QPCTL: variants seen among roughly 807,000 people sequenced by gnomAD.
QPCTL encodes the protein glutaminyl-peptide cyclotransferase-like protein.
QPCTL carries 31 observed loss-of-function variants against 34.6 expected under a neutral mutation model. That is an observed-to-expected ratio of 0.90 (90% confidence interval 0.67 to 1.21). The LOEUF (loss-of-function observed/expected upper bound fraction) is 1.21. Among genes scored for constraint, QPCTL ranks in the 50% most tolerant of loss-of-function variants. QPCTL has a pLI of 0.00. For synonymous variants in QPCTL, 223 were observed against 226.9 expected, an observed-to-expected ratio of 0.98 and a Z score of 0.15; for missense variants, 474 against 507.8, an observed-to-expected ratio of 0.93 and a Z score of 0.64.
At chr19:45,701,496 G>A (rs541599936) in intron 5 of QPCTL, among the ~76,000 whole-genome samples, 35 of 152,048 alleles carry the variant, frequency 2.3e-4, no homozygotes, top group Middle Eastern at 3.4e-3. Flanking sequence ...AGCTGGTTTC[G>A]AACTCCTGAC....
In QPCTL at chr19:45,695,430, C is replaced by T. The variant is rs1967671127; in HGVS notation, c.352-7C>T. 1 of 1,601,028 alleles carries T rather than the reference C, an allele frequency of 6.2e-7. No individual in the cohort carries two copies. The highest frequency in any genetic ancestry group is 8.5e-7 in the Non-Finnish European group (1 of 1,172,030). ...CGTCCACCCTCCCACCTCTCTCTTG[C>T]CGCTAGTTCCTGGAGGCCACGCTGC... is the stretch of plus-strand genomic sequence containing the variant. On this transcript the variant is annotated splice_region_variant and splice_polypyrimidine_tract_variant and intron_variant, in intron 2 of 6. Coordinates refer to ENST00000012049, the MANE Select transcript of QPCTL (RefSeq NM_017659.4).
In QPCTL at chr19:45,703,069, T is replaced by TG. The variant is rs767918425; in HGVS notation, c.*22dup. ...CTCTAGCGTGCTTGGCCAATGACTG[T>TG]GGAGAGGACTGTGAGAGAGAAGGTC... is the stretch of plus-strand genomic sequence containing the variant. On this transcript the variant is annotated 3_prime_UTR_variant, in exon 7 of 7. Transcript: ENST00000012049. 1.9e-5 allele frequency: 30 copies of TG among 1,613,832 alleles called. No individual in the cohort carries two copies. Among genetic ancestry groups the TG allele is most frequent in the Non-Finnish European group, 2.3e-5 (27 of 1,179,890 alleles).
Position 45,703,125 on chromosome 19 carries a change from T to TC in QPCTL, c.*77dup. The TC allele has an allele frequency of 1.9e-6, 3 of 1,562,762 alleles. No homozygotes were observed. Among genetic ancestry groups the TC allele is most frequent in the Non-Finnish European group, 2.6e-6 (3 of 1,137,346 alleles). ...GGGGGCCAGTGAAGCTCAGGCAGGA[T>TC]CTGCCTAGGGTGTGCTGGTTTGTCC... On this transcript the variant is annotated 3_prime_UTR_variant, in exon 7 of 7. Transcript: ENST00000012049.
Position 45,695,695 on chromosome 19 carries a change from G to T in QPCTL, c.610G>T (p.Glu204Ter). Residue 204 changes from glutamate (E) to a stop codon, truncating the protein, a stop_gained, in exon 3 of 7, where the codon GAG becomes TAG. Transcript: ENST00000012049. LOFTEE classifies it high-confidence loss of function. ...GGAGCTGGCCCAAGCACTTGACCTG[G>T]AGCTGAGCAGGGCCAAAAAACAGGT... ...LLELAQALDL[E>*]LSRAKKQAAP... 6.2e-7 allele frequency: 1 copy of T among 1,611,988 alleles called. No individual in the cohort carries two copies. Among genetic ancestry groups the T allele is most frequent in the Non-Finnish European group, 8.5e-7 (1 of 1,179,694 alleles).
chr19:45,695,347 C>A, intron 2 of QPCTL, 90 bp from the exon 3 acceptor site: 1 of 1,218,614 alleles, frequency 8.2e-7, no homozygotes, highest in Non-Finnish European at 1.2e-6. Context: ...AGTGTCAACC[C>A]ATCTGCTCTG....
intron 1 of QPCTL, among the ~76,000 whole-genome samples, 153 bp from the exon 2 acceptor site, chr19:45,693,260 T>C (rs879872352): frequency 2.0e-5 from 3 of 152,168 alleles, no homozygotes; most frequent in Non-Finnish European, 4.4e-5. Context: ...GGACTTTTCC[T>C]GAGCCTTGGA....
chr19:45,698,416 GC>G, intron 3 of QPCTL, 130 bp from the exon 4 acceptor site: 1 of 1,119,612 alleles, frequency 8.9e-7, no homozygotes, highest in South Asian at 1.6e-5. Context: ...TGTGCTCTTG[GC>G]TACCACGTTC....
intron 1 of QPCTL, among the ~76,000 whole-genome samples, chr19:45,693,163 G>T (rs1489257696): frequency 6.6e-6 from 1 of 152,128 alleles, no homozygotes; most frequent in African/African-American, 2.4e-5. Context: ...CTATTTGGAA[G>T]AGTCCCTTCC....
intron 2 of QPCTL, 150 bp from the exon 3 acceptor site, chr19:45,695,287 A>G (rs1301873648): frequency 4.0e-6 from 3 of 741,480 alleles, no homozygotes; most frequent in Admixed American, 6.2e-5. Flanking sequence ...CTCCATCTCA[A>G]AAAAAAAAAG....
intron 1 of QPCTL, among the ~76,000 whole-genome samples, chr19:45,693,125 G>A (rs1967607269): frequency 6.6e-6 from 1 of 152,138 alleles, no homozygotes; most frequent in African/African-American, 2.4e-5. Flanking sequence ...TAAGACGGGG[G>A]GGTTCAGGGT....
At position 45,696,266 on chromosome 19, in the gene QPCTL, G is replaced by A. The variant is rs532655870; in HGVS notation, c.633+548G>A. Among the ~76,000 whole-genome samples, 97 of 151,972 alleles carry A rather than the reference G, an allele frequency of 6.4e-4. No individual in the cohort carries two copies. The Middle Eastern group carries it at 0.01, about 16-fold the overall frequency. On this transcript the variant is annotated intron_variant, in intron 3 of 6. Coordinates refer to ENST00000012049, the MANE Select transcript of QPCTL (RefSeq NM_017659.4). The stretch of plus-strand genomic sequence containing the variant: ...ACCCGCAGAGCTTGCTCCCACCTCA[G>A]GGCATCTGCACTTGCTGTTTGCTTT...
chr19:45,695,855 T>C lies in QPCTL; in HGVS notation c.633+137T>C. 2.6e-6 allele frequency: 3 copies of C among 1,154,124 alleles called. No individual in the cohort carries two copies. The East Asian group carries it at 7.8e-5, about 30-fold the overall frequency. The allele number at this position is 1,154,124 out of a possible 1,614,324, so 71.5% of individuals were successfully genotyped here. A position where few individuals can be genotyped will look rare whatever the true frequency, so the allele number is the denominator to read the frequency against. On this transcript the variant is annotated intron_variant, in intron 3 of 6. Coordinates refer to ENST00000012049, the MANE Select transcript of QPCTL (RefSeq NM_017659.4). ...GCACAGAGCCACAGGGATCTTTTTT[T>C]TTTTTTTGAGACGGAGTTTCGCTCT...
chr19:45,700,188 T>C (rs889346669), intron 5 of QPCTL, among the ~76,000 whole-genome samples: 1 of 152,034 alleles, frequency 6.6e-6, no homozygotes, highest in Non-Finnish European at 1.5e-5. Context: ...GGTTCACGCC[T>C]GTAATCCCAA....
chr19:45,698,951 A>G, intron 5 of QPCTL, 51 bp downstream of exon 5: 1 of 1,541,688 alleles, frequency 6.5e-7, no homozygotes, highest in South Asian at 1.1e-5. Context: ...TATGGGGTAC[A>G]GGGCGGTGGG....
In QPCTL at chr19:45,698,999, C is replaced by G; in HGVS notation, c.886+99C>G. 4 of 1,033,792 alleles carry G rather than the reference C, an allele frequency of 3.9e-6. No homozygotes were observed. In the South Asian group the frequency reaches 5.6e-5, roughly 14 times the overall value. 64.0% of individuals were successfully genotyped at this position (1,033,792 alleles called of 1,614,324 possible). ...AGGCACCTACACTCTAAAGGCTCAT[C>G]CACCAGTCTGGGCCACATAGGGAGA... is the stretch of plus-strand genomic sequence containing the variant. On this transcript the variant is annotated intron_variant, in intron 5 of 6. Transcript: ENST00000012049.
At chr19:45,698,380 TG>T in intron 3 of QPCTL, 166 bp from the exon 4 acceptor site, 1 of 801,984 alleles carries the variant, frequency 1.2e-6, no homozygotes, top group South Asian at 1.9e-5. Context: ...AGTACGGATT[TG>T]ATCCCAGACA....
intron 1 of QPCTL, 152 bp from the exon 2 acceptor site, chr19:45,693,261 G>T (rs1967611138): frequency 1.8e-6 from 2 of 1,132,614 alleles, no homozygotes; most frequent in East Asian, 5.0e-5. Flanking sequence ...GACTTTTCCT[G>T]AGCCTTGGAT....
Position 45,698,855 on chromosome 19 carries a change from C to A in QPCTL, c.841C>A (p.His281Asn). ...LGAPNPTFYS[H>N]FPRTVRWFHR... ...AGCCCCCAATCCCACCTTCTACAGC[C>A]ACTTCCCTCGCACGGTCCGCTGGTT... Residue 281 changes from histidine to asparagine, a missense_variant, in exon 5 of 7, where the codon CAC (histidine) becomes AAC (asparagine). By Grantham distance (68) the His-to-Asn change is moderately conservative. Transcript: ENST00000012049. 1 of 1,614,062 alleles carries A rather than the reference C, an allele frequency of 6.2e-7. No individual in the cohort carries two copies. The highest frequency in any genetic ancestry group is 2.2e-5 in the East Asian group (1 of 44,860).
In QPCTL at chr19:45,695,392, C is replaced by T. The variant is rs372397706; in HGVS notation, c.352-45C>T. 3.7e-5 allele frequency: 57 copies of T among 1,522,494 alleles called. No individual in the cohort carries two copies. The African/African-American group carries it at 7.2e-4, about 19-fold the overall frequency. The allele number at this position is 1,522,494 out of a possible 1,614,324, so 94.3% of individuals were successfully genotyped here. A position where few individuals can be genotyped will look rare whatever the true frequency, so the allele number is the denominator to read the frequency against. On this transcript the variant is annotated intron_variant, in intron 2 of 6. Coordinates refer to ENST00000012049, the MANE Select transcript of QPCTL (RefSeq NM_017659.4). ...GGTCACGTGGCCCTTCTCCCCACCT[C>T]CTCCCCAGTCCCCGTCCACCCTCCC...
Sources: allele counts gnomAD v4.1 joint callset (sites outside exome capture counted in the v4.1 genomes callset), GRCh38; gene constraint gnomAD v4.1.1; transcripts MANE v1.5; gene names NCBI Gene and HGNC (gene_info 2026-07-23, HGNC 2026-07-21).